Variants in ZNF605 observed in about 807,000 individuals in gnomAD.
The protein encoded by ZNF605 is zinc finger protein 605.
In ZNF605, 9 loss-of-function variants were observed where a neutral mutation model predicts 7.9. The ratio of observed to expected loss-of-function variants is 1.14; its 90% CI spans 0.68 to 1.98. ZNF605 has a LOEUF of 1.98. ZNF605 is among the 30% of genes most tolerant of loss of function. The probability of loss-of-function intolerance (pLI) is 0.00; values close to 1 mark genes in which losing one functional copy is unlikely to be tolerated. For synonymous variants in ZNF605, 255 were observed against 260.1 expected (o/e 0.98, Z 0.19); for missense variants, 673 against 762.4 (o/e 0.88, Z 1.38).
intron 3 of ZNF605, among the ~76,000 whole-genome samples, chr12:132,944,355 G>C (rs988964877): frequency 3.9e-5 from 6 of 152,166 alleles, no homozygotes; most frequent in Non-Finnish European, 7.3e-5. Flanking sequence ...AGGGTGAGAG[G>C]GGAGAGGCTG....
Position 132,926,521 on chromosome 12 carries a change from T to C in ZNF605, c.778A>G (p.Lys260Glu). The C allele has an allele frequency of 6.2e-7, 1 of 1,614,210 alleles. No homozygotes were observed. Among genetic ancestry groups the C allele is most frequent in the Admixed American group, 1.7e-5 (1 of 60,024 alleles). Residue 260 changes from lysine to glutamate, a missense_variant, in exon 5 of 5, where the codon AAA (lysine) becomes GAA (glutamate). Lys to Glu is a moderately conservative substitution (Grantham distance 56, BLOSUM62 1). Coordinates refer to ENST00000360187, the MANE Select transcript of ZNF605 (RefSeq NM_183238.4). Reference protein sequence around the residue: ...EKPYGCSECGKAFSRKSQLKR... With the variant: ...EKPYGCSECGEAFSRKSQLKR... ...AGCTGCGACTTCCTACTGAAGGCTT[T>C]TCCACATTCACTGCATCCATACGGC...
intron 3 of ZNF605, among the ~76,000 whole-genome samples, chr12:132,943,348 G>A (rs1280277889): frequency 6.8e-6 from 1 of 147,874 alleles, no homozygotes; most frequent in African/African-American, 2.5e-5. Flanking sequence ...GACAGAGCGA[G>A]ACTCCATCTC....
intron 1 of ZNF605, among the ~76,000 whole-genome samples, chr12:132,954,494 C>T (rs1184430599): frequency 1.9e-5 from 1 of 51,564 alleles, no homozygotes; most frequent in Non-Finnish European, 4.3e-5. Flanking sequence ...TGTCCTGGGA[C>T]GAACACACTG....
rs1952177100 is a variant in ZNF605, at chr12:132,918,475, G to C, written c.*6898C>G. 6.6e-6 allele frequency: 1 copy of C among 152,270 alleles called. No individual in the cohort carries two copies. The highest frequency in any genetic ancestry group is 2.4e-5 in the African/African-American group (1 of 41,474). 9.4% of individuals were successfully genotyped at this position (152,270 alleles called of 1,614,324 possible). On this transcript the variant is annotated 3_prime_UTR_variant, in exon 5 of 5. Coordinates refer to ENST00000360187, the MANE Select transcript of ZNF605 (RefSeq NM_183238.4). ...GGTCTGACCTCGCACAGCTGCCCAT[G>C]CAATGATGAGTGGATCAAACACTAC... is the stretch of plus-strand genomic sequence containing the variant.
rs1328578273 is a variant in ZNF605 at position 132,924,251 on chromosome 12, TAG to T, written c.*1120_*1121del. On this transcript the variant is annotated 3_prime_UTR_variant, in exon 5 of 5. Transcript: ENST00000360187. ...TGTAGGTCCAGAGTAGCTTTTAATC[TAG>T]AGTTAATTAGCTGCACTACTAAAAC... The T allele has an allele frequency of 5.3e-5, 8 of 152,232 alleles. No homozygotes were observed. The highest frequency in any genetic ancestry group is 1.0e-4 in the Non-Finnish European group (7 of 68,038). 9.4% of individuals were successfully genotyped at this position (152,232 alleles called of 1,614,324 possible).
intron 4 of ZNF605, among the ~76,000 whole-genome samples, chr12:132,928,170 C>T (rs1392629027): frequency 6.6e-6 from 1 of 151,916 alleles, no homozygotes; most frequent in Non-Finnish European, 1.5e-5. Context: ...ATAATAAAAA[C>T]ATAAAAATGC....
chr12:132,939,112 C>T (rs919818918), intron 3 of ZNF605, among the ~76,000 whole-genome samples: 54 of 152,000 alleles, frequency 3.6e-4, no homozygotes, highest in African/African-American at 1.1e-3. Flanking sequence ...CCAGTCCCAT[C>T]GACCACCCAA....
chr12:132,954,299 A>G (rs1025493993), intron 1 of ZNF605, among the ~76,000 whole-genome samples: 3 of 141,440 alleles, frequency 2.1e-5, no homozygotes, highest in Non-Finnish European at 4.5e-5. Context: ...CTGAGTCCCA[A>G]AGGATCCCCA....
At chr12:132,943,289 G>A (rs1952463236) in intron 3 of ZNF605, among the ~76,000 whole-genome samples, 1 of 151,724 alleles carries the variant, frequency 6.6e-6, no homozygotes, top group African/African-American at 2.4e-5. Flanking sequence ...AACCCGGGAG[G>A]CGGAGCTTGC....
chr12:132,955,019 G>A (rs944710979), intron 1 of ZNF605, among the ~76,000 whole-genome samples: 66 of 152,102 alleles, frequency 4.3e-4, no homozygotes, highest in Non-Finnish European at 9.0e-4. Flanking sequence ...GGTTGAAAGA[G>A]CAACCACTGT....
intron 1 of ZNF605, among the ~76,000 whole-genome samples, chr12:132,953,910 A>G (rs1207275682): frequency 6.6e-6 from 1 of 151,764 alleles, no homozygotes; most frequent in Non-Finnish European, 1.5e-5. Context: ...ATTCCTCCTC[A>G]CAGACCTCAC....
intron 4 of ZNF605, among the ~76,000 whole-genome samples, chr12:132,929,123 G>A (rs1184553172): frequency 6.6e-6 from 1 of 152,078 alleles, no homozygotes; most frequent in Non-Finnish European, 1.5e-5. Context: ...TTCAGATGAA[G>A]CAGGCTGGCT....
In ZNF605 at chr12:132,945,775, G is replaced by A; in HGVS notation, c.-140C>T. 2.4e-6 allele frequency: 3 copies of A among 1,266,252 alleles called. 1 individual carries two copies. The highest frequency in any genetic ancestry group is 1.2e-6 in the Non-Finnish European group (1 of 866,060). The allele number at this position is 1,266,252 out of a possible 1,614,324, so 78.4% of individuals were successfully genotyped here. The stretch of plus-strand genomic sequence containing the variant: ...TCTTCTTTCTTATCTCACATGAATT[G>A]TCTTGTTCCAGAGGGCTATTGCCTG... On this transcript the variant is annotated 5_prime_UTR_variant, in exon 3 of 5. Transcript: ENST00000360187.
chr12:132,950,685 C>T (rs1952549627), intron 1 of ZNF605, among the ~76,000 whole-genome samples: 2 of 151,152 alleles, frequency 1.3e-5, no homozygotes, highest in Admixed American at 1.3e-4. Context: ...CAGGTACACA[C>T]ACAGTACACA....
At chr12:132,936,709 T>C (rs1952370408) in intron 3 of ZNF605, among the ~76,000 whole-genome samples, 2 of 152,178 alleles carry the variant, frequency 1.3e-5, no homozygotes, top group East Asian at 3.8e-4. Flanking sequence ...ACACCTTATA[T>C]CAAAACTAAC....
intron 4 of ZNF605, among the ~76,000 whole-genome samples, chr12:132,931,246 A>G (rs1296424971): frequency 2.0e-5 from 3 of 152,190 alleles, no homozygotes; most frequent in Non-Finnish European, 4.4e-5. Context: ...TACTGAAGGG[A>G]CATCTGATAA....
chr12:132,949,331 G>A (rs903664878), intron 1 of ZNF605, among the ~76,000 whole-genome samples: 3 of 152,164 alleles, frequency 2.0e-5, no homozygotes, highest in Non-Finnish European at 4.4e-5. Context: ...TAGATTACAC[G>A]TATGATGGGC....
At chr12:132,932,550 T>A (rs1276391754) in intron 4 of ZNF605, among the ~76,000 whole-genome samples, 2 of 152,192 alleles carry the variant, frequency 1.3e-5, no homozygotes, top group Admixed American at 1.3e-4. Context: ...GACCAGGTTA[T>A]GGAGCACATC....
rs1314161518 is a variant in ZNF605, at chr12:132,950,890, TCA to T, written c.-285-2622_-285-2621del. Among the ~76,000 whole-genome samples the T allele has an allele frequency of 2.8e-5, 4 of 145,198 alleles. 1 individual carries two copies. In the South Asian group the frequency reaches 6.6e-4, roughly 24 times the overall value. ...ACTGATACAAATACATCACACATAC[TCA>T]CAGACGCACACACATACTGATACAC... On this transcript the variant is annotated intron_variant, in intron 1 of 4. Transcript: ENST00000360187.
Sources: allele counts gnomAD v4.1 joint callset (sites outside exome capture counted in the v4.1 genomes callset), GRCh38; gene constraint gnomAD v4.1.1; transcripts MANE v1.5; gene names NCBI Gene and HGNC (gene_info 2026-07-23, HGNC 2026-07-21).